RAPGEF5: variants seen among roughly 807,000 people sequenced by gnomAD.
RAPGEF5 encodes the protein Rap guanine nucleotide exchange factor 5, also known as M-Ras-regulated GEF.
RAPGEF5 carries 65 observed loss-of-function variants against 125.2 expected under a neutral mutation model. That is an observed-to-expected ratio of 0.52 (90% CI 0.43 to 0.64). The LOEUF is 0.64. Ranked by LOEUF, RAPGEF5 falls within the 30% of genes least tolerant of loss-of-function variation. The pLI is 0.00. For synonymous variants in RAPGEF5, 391 were observed against 385.9 expected, an observed-to-expected ratio of 1.01 and a Z score of -0.16; for missense variants, 958 against 1,048.1, an observed-to-expected ratio of 0.91 and a Z score of 1.19.
intron 5 of RAPGEF5, among the ~76,000 whole-genome samples, chr7:22,307,966 C>T (rs1253270538): frequency 6.6e-6 from 1 of 152,124 alleles, no homozygotes; most frequent in African/African-American, 2.4e-5. Context: ...TTTTCAGAAA[C>T]ATTCTGTTGA....
intron 7 of RAPGEF5, among the ~76,000 whole-genome samples, chr7:22,264,245 TAG>T (rs1019947706): frequency 6.6e-6 from 1 of 152,216 alleles, no homozygotes; most frequent in African/African-American, 2.4e-5. Context: ...TATTGGATTA[TAG>T]AGTTACTGGA....
At position 22,315,382 on chromosome 7, in the gene RAPGEF5, T is replaced by C; in HGVS notation, c.377A>G (p.Lys126Arg). 1 of 1,541,952 alleles carries C rather than the reference T, an allele frequency of 6.5e-7. No homozygotes were observed. Among genetic ancestry groups the C allele is most frequent in the Non-Finnish European group, 8.7e-7 (1 of 1,142,942 alleles). ...AAAACTGTGTTACCTGTAAAACCCC[T>C]TGAGGTTCACTCTGTCCTTTATCAG... is the stretch of plus-strand genomic sequence containing the variant. ...ADLIKDRVNL[K>R]GFYRRSCVGS... Residue 126 changes from lysine to arginine, a missense_variant, in exon 3 of 26, where the codon AAG (lysine) becomes AGG (arginine). Transcript: ENST00000665637.
intron 11 of RAPGEF5, among the ~76,000 whole-genome samples, chr7:22,185,224 T>C (rs1411853313): frequency 6.6e-6 from 1 of 152,210 alleles, no homozygotes; most frequent in Non-Finnish European, 1.5e-5. Context: ...ACTAAGCAAC[T>C]GAATTAACTT....
At chr7:22,280,541 A>C (rs953668572) in intron 6 of RAPGEF5, among the ~76,000 whole-genome samples, 4 of 152,216 alleles carry the variant, frequency 2.6e-5, no homozygotes, top group Admixed American at 1.3e-4. Flanking sequence ...AGCTGAAAAA[A>C]GCTGTGGATC....
chr7:22,304,077 C>G (rs1424786909), intron 5 of RAPGEF5, among the ~76,000 whole-genome samples: 2 of 151,894 alleles, frequency 1.3e-5, no homozygotes, highest in Non-Finnish European at 2.9e-5. Context: ...TCTCTGATCA[C>G]AGTATATTCC....
At chr7:22,122,718 G>A (rs1782618173) in intron 25 of RAPGEF5, among the ~76,000 whole-genome samples, 197 bp from the exon 26 acceptor site, 1 of 152,198 alleles carries the variant, frequency 6.6e-6, no homozygotes, top group African/African-American at 2.4e-5. Context: ...CAGGCAATCA[G>A]ACTGGCAGGA....
At chr7:22,352,192 C>A (rs1784342997) in intron 1 of RAPGEF5, among the ~76,000 whole-genome samples, 1 of 152,068 alleles carries the variant, frequency 6.6e-6, no homozygotes, top group Non-Finnish European at 1.5e-5. Flanking sequence ...GCAGCCAAAG[C>A]CCAAAATAAG....
At chr7:22,155,490 A>G (rs1255797297) in intron 16 of RAPGEF5, among the ~76,000 whole-genome samples, 1 of 152,204 alleles carries the variant, frequency 6.6e-6, no homozygotes, top group Non-Finnish European at 1.5e-5. Flanking sequence ...TGTTGCAAAA[A>G]AATTGAGAGT....
chr7:22,321,182 A>G (rs1318346408), intron 1 of RAPGEF5, among the ~76,000 whole-genome samples: 2 of 152,206 alleles, frequency 1.3e-5, no homozygotes, highest in Non-Finnish European at 2.9e-5. Flanking sequence ...CTAACTAATT[A>G]CAGGCAAACC....
chr7:22,325,204 G>A (rs1043377127), intron 1 of RAPGEF5, among the ~76,000 whole-genome samples: 1 of 152,140 alleles, frequency 6.6e-6, no homozygotes, highest in African/African-American at 2.4e-5. Context: ...GAAATATAGT[G>A]CCTCCTGGCC....
chr7:22,277,686 G>C (rs1782588848), intron 6 of RAPGEF5, among the ~76,000 whole-genome samples: 1 of 152,088 alleles, frequency 6.6e-6, no homozygotes, highest in African/African-American at 2.4e-5. Context: ...GCTGCCCATA[G>C]CTCCTAGGGC....
At chr7:22,145,967 C>CGTGTGTGTGTGTGTGT (rs71864981) in intron 19 of RAPGEF5, among the ~76,000 whole-genome samples, 1 of 143,884 alleles carries the variant, frequency 7.0e-6, no homozygotes, top group African/African-American at 2.5e-5. Context: ...TGTTTGTGTG[C>CGTGTGTGTGTGTGTGT]GTGTGTGTGT....
intron 20 of RAPGEF5, among the ~76,000 whole-genome samples, chr7:22,141,616 G>A (rs1235415545): frequency 6.6e-6 from 1 of 152,214 alleles, no homozygotes; most frequent in African/African-American, 2.4e-5. Context: ...CCCCAGAACA[G>A]TGGAACCTAG....
At chr7:22,353,408 G>A (rs1784364167) in intron 1 of RAPGEF5, among the ~76,000 whole-genome samples, 1 of 152,180 alleles carries the variant, frequency 6.6e-6, no homozygotes, top group Admixed American at 6.5e-5. Context: ...AAAAGGCAAA[G>A]TTTTGCTGTT....
intron 6 of RAPGEF5, among the ~76,000 whole-genome samples, chr7:22,273,179 C>T (rs963362413): frequency 6.6e-6 from 1 of 150,402 alleles, no homozygotes; most frequent in Non-Finnish European, 1.5e-5. Flanking sequence ...ATGTATCTAT[C>T]CTTACTCATC....
intron 5 of RAPGEF5, among the ~76,000 whole-genome samples, chr7:22,298,164 T>C (rs949101171): frequency 6.8e-6 from 1 of 146,074 alleles, no homozygotes; most frequent in Non-Finnish European, 1.5e-5. Flanking sequence ...TAATGAGTCA[T>C]ATTGTTCTGT....
chr7:22,263,269 T>C (rs888439290), intron 7 of RAPGEF5, among the ~76,000 whole-genome samples: 1 of 152,192 alleles, frequency 6.6e-6, no homozygotes, highest in Admixed American at 6.5e-5. Flanking sequence ...TTTTGCAAAA[T>C]GTTATCATTG....
At chr7:22,195,863 C>T (rs1311998742) in intron 9 of RAPGEF5, among the ~76,000 whole-genome samples, 7 of 152,212 alleles carry the variant, frequency 4.6e-5, no homozygotes, top group Admixed American at 6.5e-5. Context: ...TTTAATCATG[C>T]GCCAATACTC....
intron 6 of RAPGEF5, among the ~76,000 whole-genome samples, chr7:22,286,693 G>A (rs1454083560): frequency 6.6e-6 from 1 of 152,130 alleles, no homozygotes; most frequent in East Asian, 1.9e-4. Context: ...TAAGAATTGT[G>A]GCTTTGAAAG....
Sources: gnomAD v4.1 joint callset for allele counts (sites outside exome capture counted in the v4.1 genomes callset) on GRCh38, gnomAD v4.1.1 for gene constraint, MANE v1.5 for transcripts, NCBI Gene and HGNC (gene_info 2026-07-23, HGNC 2026-07-21) for gene names.